DMD: variants seen among roughly 807,000 people sequenced by gnomAD.
DMD encodes mutant dystrophin.
In DMD, 63 loss-of-function variants were observed where a neutral mutation model predicts 330.1. The ratio of observed to expected loss-of-function variants is 0.19; its 90% confidence interval spans 0.16 to 0.24. The LOEUF (loss-of-function observed/expected upper bound fraction) is 0.24. Among genes scored for constraint, DMD ranks in the 10% least tolerant of loss-of-function variants. DMD has a pLI of 1.00. For missense variants in DMD, 3,344 were observed against 2,684.1 expected (o/e 1.25, Z -5.43); for synonymous variants, 1,223 against 959.8 (o/e 1.27, Z -5.07).
At chrX:31,941,787 G>A (rs1052263215) in intron 45 of DMD, among the ~76,000 whole-genome samples, 17 of 110,999 alleles carry the variant, frequency 1.5e-4, no homozygotes, top group South Asian at 3.8e-4. Flanking sequence ...AACTATCTTC[G>A]GTTTTCTGTT....
chrX:32,491,553 A>T (rs768714531), intron 19 of DMD, 35 bp from the exon 20 acceptor site: 2 of 1,175,250 alleles, frequency 1.7e-6, no homozygotes, highest in Admixed American at 4.5e-5. Flanking sequence ...ATATCCCCTG[A>T]ACCCACAGAC....
intron 2 of DMD, among the ~76,000 whole-genome samples, chrX:32,938,550 G>A (rs768785205): frequency 3.0e-4 from 33 of 111,537 alleles, no homozygotes; most frequent in Admixed American, 8.6e-4. Flanking sequence ...AAGGCTCATT[G>A]GGCATCACTA....
intron 11 of DMD, among the ~76,000 whole-genome samples, chrX:32,623,889 C>A (rs2058168618): frequency 8.9e-6 from 1 of 111,745 alleles, no homozygotes; most frequent in Non-Finnish European, 1.9e-5. Context: ...CATGTGAAGC[C>A]AGTATAGAAA....
chrX:31,809,944 G>T (rs748040260), intron 50 of DMD, among the ~76,000 whole-genome samples: 1 of 111,276 alleles, frequency 9.0e-6, no homozygotes, highest in South Asian at 3.8e-4. Flanking sequence ...GTTGGGTCCA[G>T]ATTCTGCCAC....
chrX:32,742,557 G>A (rs1198699609), intron 7 of DMD, among the ~76,000 whole-genome samples: 1 of 111,876 alleles, frequency 8.9e-6, no homozygotes, highest in Non-Finnish European at 1.9e-5. Flanking sequence ...GAAATATTCA[G>A]AAGGGATACA....
intron 62 of DMD, among the ~76,000 whole-genome samples, chrX:31,303,745 C>A (rs6527080): frequency 0.29 from 32,514 of 110,734 alleles, 4,381 homozygotes; most frequent in African/African-American, 0.52. Flanking sequence ...CTCCTCCAGC[C>A]CTAGTCATGC....
intron 60 of DMD, among the ~76,000 whole-genome samples, chrX:31,431,458 C>T (rs1340038347): frequency 3.6e-5 from 4 of 111,645 alleles, no homozygotes; most frequent in African/African-American, 9.8e-5. Context: ...AGTGCAATGG[C>T]GTGATCTTGG....
At chrX:32,515,758 CA>C (rs1025452414) in intron 18 of DMD, among the ~76,000 whole-genome samples, 18 of 111,440 alleles carry the variant, frequency 1.6e-4, no homozygotes, top group African/African-American at 5.9e-4. Context: ...GGAAAATGTT[CA>C]AAGGCAAATT....
chrX:32,461,598 G>A (rs1363280703), intron 25 of DMD, among the ~76,000 whole-genome samples: 3 of 109,420 alleles, frequency 2.7e-5, no homozygotes, highest in African/African-American at 9.9e-5. Flanking sequence ...TTTACAAATT[G>A]TACTCCTGTA....
chrX:31,687,206 T>A (rs769539762), intron 52 of DMD, among the ~76,000 whole-genome samples: 2 of 111,766 alleles, frequency 1.8e-5, no homozygotes, highest in Non-Finnish European at 1.9e-5. Flanking sequence ...CTCTGAGATG[T>A]GCTGGCTTCA....
intron 41 of DMD, among the ~76,000 whole-genome samples, chrX:32,324,895 A>G (rs2097642655): frequency 9.0e-6 from 1 of 111,679 alleles, no homozygotes; most frequent in African/African-American, 3.2e-5. Flanking sequence ...AAAAGCATCA[A>G]AAAGAAAGAT....
At chrX:32,991,079 G>T (rs888904831) in intron 2 of DMD, among the ~76,000 whole-genome samples, 1 of 110,827 alleles carries the variant, frequency 9.0e-6, no homozygotes, top group African/African-American at 3.3e-5. Context: ...ATAATAATTA[G>T]AAAACTATAA....
At chrX:32,196,829 C>A (rs2097003766) in intron 44 of DMD, among the ~76,000 whole-genome samples, 1 of 108,338 alleles carries the variant, frequency 9.2e-6, no homozygotes. Context: ...ACTAAAAATA[C>A]AAAAAAATTA....
intron 63 of DMD, among the ~76,000 whole-genome samples, chrX:31,244,903 G>A (rs573393350): frequency 1.9e-4 from 21 of 111,556 alleles, no homozygotes; most frequent in Non-Finnish European, 3.0e-4. Context: ...CTCAGTAAAC[G>A]TTTTTCTCCT....
intron 55 of DMD, among the ~76,000 whole-genome samples, chrX:31,611,900 G>C (rs2077943619): frequency 9.0e-6 from 1 of 111,194 alleles, no homozygotes; most frequent in Non-Finnish European, 1.9e-5. Flanking sequence ...CATAGTAGGT[G>C]CATATATTTA....
At chrX:32,415,987 C>G (rs892793544) in intron 29 of DMD, among the ~76,000 whole-genome samples, 9 of 111,980 alleles carry the variant, frequency 8.0e-5, no homozygotes, top group Admixed American at 4.7e-4. Context: ...AATGAATTGA[C>G]AGTTTCTCAC....
chrX:31,898,221 C>A (rs1179026936), intron 47 of DMD, among the ~76,000 whole-genome samples: 2 of 110,299 alleles, frequency 1.8e-5, no homozygotes, highest in Non-Finnish European at 3.8e-5. Flanking sequence ...TCAATGCCAT[C>A]CCCATCAAGC....
intron 61 of DMD, among the ~76,000 whole-genome samples, chrX:31,345,986 CAT>C (rs1449299292): frequency 9.0e-6 from 1 of 111,253 alleles, no homozygotes; most frequent in Admixed American, 9.6e-5. Context: ...TGGAGACACA[CAT>C]GACAACATCT....
intron 11 of DMD, among the ~76,000 whole-genome samples, chrX:32,635,674 A>G (rs1352228772): frequency 8.9e-6 from 1 of 112,048 alleles, no homozygotes; most frequent in Non-Finnish European, 1.9e-5. Context: ...TTGCATGGCA[A>G]TAATGAATGG....
Sources: allele counts gnomAD v4.1 joint callset (sites outside exome capture counted in the v4.1 genomes callset), GRCh38; gene constraint gnomAD v4.1.1; transcripts MANE v1.5; gene names NCBI Gene and HGNC (gene_info 2026-07-23, HGNC 2026-07-21).